The following CNGA3 variants were observed in gnomAD, a reference collection of about 807,000 sequenced individuals.
CNGA3 encodes the protein cyclic nucleotide gated channel subunit alpha 3, also known as cyclic nucleotide-gated channel alpha-3.
In CNGA3, 42 loss-of-function variants were observed where a neutral mutation model predicts 46.6. That is an observed-to-expected ratio of 0.90 (90% CI 0.70 to 1.17). The LOEUF (loss-of-function observed/expected upper bound fraction) is 1.17. CNGA3 is among the 50% of genes most tolerant of loss of function. The pLI is 0.00. For synonymous variants in CNGA3, 394 were observed against 369.4 expected, an observed-to-expected ratio of 1.07 and a Z score of -0.76; for missense variants, 893 against 890.7, an observed-to-expected ratio of 1.00 and a Z score of -0.03.
intron 2 of CNGA3, among the ~76,000 whole-genome samples, chr2:98,372,660 A>G (rs1178992086): frequency 5.9e-5 from 9 of 152,058 alleles, no homozygotes. Context: ...AATCAGTACT[A>G]ATATTGCCCT....
At chr2:98,371,074 C>T (rs1465247357) in intron 2 of CNGA3, among the ~76,000 whole-genome samples, 3 of 152,208 alleles carry the variant, frequency 2.0e-5, no homozygotes, top group African/African-American at 7.2e-5. Flanking sequence ...ATCCACCTGC[C>T]TCAGCCTCCC....
chr2:98,378,076 A>T (rs1255095571), intron 3 of CNGA3: 1 of 1,550,888 alleles, frequency 6.4e-7, no homozygotes, highest in South Asian at 1.2e-5. Context: ...GAATTCAGAA[A>T]AAAAGCCAAC....
rs1029284568 is a variant in CNGA3, at chr2:98,394,003, C to G, written c.674-1841C>G. On this transcript the variant is annotated intron_variant, in intron 7 of 7. Transcript: ENST00000272602. ...GTTTGAGCAGAGTGAGACGTCCTACCCCAGTCTAGCCTCGGTGGCCTGGAC... is the reference window on the plus strand; with the variant it reads ...GTTTGAGCAGAGTGAGACGTCCTACGCCAGTCTAGCCTCGGTGGCCTGGAC... 2.6e-5 allele frequency among the ~76,000 whole-genome samples: 4 copies of G among 151,034 alleles called. No individual in the cohort carries two copies. The Admixed American group carries it at 2.7e-4, about 10-fold the overall frequency.
At chr2:98,381,190 A>C (rs1177695385) in intron 4 of CNGA3, among the ~76,000 whole-genome samples, 1 of 152,130 alleles carries the variant, frequency 6.6e-6, no homozygotes, top group Non-Finnish European at 1.5e-5. Context: ...TCTTTAGGAC[A>C]CTTAGGTCTG....
chr2:98,395,814 A>T (rs1482840368), intron 7 of CNGA3, 30 bp from the exon 8 acceptor site: 3 of 1,607,596 alleles, frequency 1.9e-6, no homozygotes, highest in Non-Finnish European at 2.6e-6. Context: ...AGCCTCTGTG[A>T]TGCCCAATGA....
At position 98,396,970 on chromosome 2, in the gene CNGA3, G is replaced by A. The variant is rs750189114; in HGVS notation, c.1800G>A (p.Glu600=). The change falls in exon 8 of 8, where the codon GAG becomes GAA. Residue 600 remains glutamate, a synonymous_variant. Transcript: ENST00000272602. The part of the protein sequence containing the change: ...EYPEAKKALE[E]KGRQILMKDN... ...CCGAAGCCAAGAAGGCCCTGGAGGAGAAAGGACGGCAGATCCTGATGAAAG... is the reference window on the plus strand; with the variant it reads ...CCGAAGCCAAGAAGGCCCTGGAGGAAAAAGGACGGCAGATCCTGATGAAAG... 15 of 1,614,034 alleles carry A rather than the reference G, an allele frequency of 9.3e-6. No homozygotes were observed. The highest frequency in any genetic ancestry group is 2.2e-5 in the South Asian group (2 of 91,090).
chr2:98,377,396 C>T, intron 2 of CNGA3: 3 of 381,016 alleles, frequency 7.9e-6, no homozygotes, highest in East Asian at 5.3e-5. Flanking sequence ...GGGACCTCTC[C>T]CCACCCAGTG....
At chr2:98,373,988 C>T (rs996747561) in intron 2 of CNGA3, among the ~76,000 whole-genome samples, 1 of 152,206 alleles carries the variant, frequency 6.6e-6, no homozygotes, top group African/African-American at 2.4e-5. Flanking sequence ...AGTCCCCCAC[C>T]ACATGTGGCC....
At chr2:98,362,251 C>G (rs1574363604) in intron 1 of CNGA3, among the ~76,000 whole-genome samples, 1 of 141,530 alleles carries the variant, frequency 7.1e-6, no homozygotes, top group African/African-American at 2.6e-5. Flanking sequence ...ACTATCTCGG[C>G]TCACTGCAAC....
Position 98,370,086 on chromosome 2 carries a change from G to T in CNGA3, c.101+10G>T. ...AAAATGGCCTCAGCAGGTAAGATGG[G>T]CTAAGATGGGCTTTTCATTTTATGC... is the stretch of plus-strand genomic sequence containing the variant. On this transcript the variant is annotated intron_variant, in intron 2 of 7. Transcript: ENST00000272602. 6.3e-7 allele frequency: 1 copy of T among 1,586,586 alleles called. No homozygotes were observed. The highest frequency in any genetic ancestry group is 2.2e-5 in the East Asian group (1 of 44,748).
rs1236886950 is a variant in CNGA3 at position 98,384,591 on chromosome 2, GA to G, written c.449+1155del. Among the ~76,000 whole-genome samples, 5 of 152,246 alleles carry G rather than the reference GA, an allele frequency of 3.3e-5. No individual in the cohort carries two copies. In the East Asian group the frequency reaches 9.6e-4, roughly 29 times the overall value. On this transcript the variant is annotated intron_variant, in intron 5 of 7. Transcript: ENST00000272602. The stretch of plus-strand genomic sequence containing the variant: ...CAGAGACCCAAATGCCAGCCATAAC[GA>G]AAAATGAGATGATTTTATCTACAAA...
At chr2:98,374,193 G>T (rs1692353504) in intron 2 of CNGA3, among the ~76,000 whole-genome samples, 1 of 152,184 alleles carries the variant, frequency 6.6e-6, no homozygotes, top group Non-Finnish European at 1.5e-5. Context: ...GGGAGCCCCT[G>T]TCCTCGCCCA....
At chr2:98,395,470 C>T (rs1574390014) in intron 7 of CNGA3, among the ~76,000 whole-genome samples, 2 of 152,268 alleles carry the variant, frequency 1.3e-5, no homozygotes, top group East Asian at 3.9e-4. Context: ...GCACCCGGCC[C>T]TCTGTCACTT....
rs758869058 is a variant in CNGA3 at position 98,380,272 on chromosome 2, G to A, written c.313G>A (p.Ala105Thr). 1.9e-6 allele frequency: 3 copies of A among 1,614,110 alleles called. No homozygotes were observed. The highest frequency in any genetic ancestry group is 1.3e-5 in the African/African-American group (1 of 74,940). The part of the protein sequence containing the change: ...PDSFPDRFRG[A>T]ELKEVSSQES... ...CTCTTTTCCTGATCGTTTCCGTGGA[G>A]CCGAGCTTAAGGAGGTGTCCAGCCA... The change falls in exon 4 of 8, where the codon GCC becomes ACC. Residue 105 changes from alanine (A) to threonine (T), a missense_variant. Transcript: ENST00000272602.
chr2:98,371,416 A>G (rs192181648), intron 2 of CNGA3, among the ~76,000 whole-genome samples: 52 of 152,274 alleles, frequency 3.4e-4, no homozygotes, highest in African/African-American at 1.2e-3. Context: ...GCTCCTCAGC[A>G]AACTCTGCTA....
intron 2 of CNGA3, among the ~76,000 whole-genome samples, chr2:98,371,365 A>G (rs997419464): frequency 2.6e-5 from 4 of 152,046 alleles, no homozygotes; most frequent in African/African-American, 9.7e-5. Flanking sequence ...CCTCTCCCAA[A>G]GGCACATTTG....
At position 98,363,776 on chromosome 2, in the gene CNGA3, C is replaced by T. The variant is rs55869498; in HGVS notation, c.-37-6163C>T. On this transcript the variant is annotated intron_variant, in intron 1 of 7. Transcript: ENST00000272602. ...ATACCTATGTACATTCTGTTGTTTT[C>T]GGGTAGAGAGTTCTGTAGATATCTA... is the stretch of plus-strand genomic sequence containing the variant. Among the ~76,000 whole-genome samples the T allele has an allele frequency of 6.6e-5, 10 of 152,074 alleles. No individual in the cohort carries two copies. The South Asian group carries it at 1.7e-3, about 25-fold the overall frequency.
At chr2:98,379,353 G>A (rs1208115205) in intron 3 of CNGA3, among the ~76,000 whole-genome samples, 1 of 152,270 alleles carries the variant, frequency 6.6e-6, no homozygotes, top group Admixed American at 6.5e-5. Flanking sequence ...GGGCACTGCA[G>A]ATGCCAAATC....
At chr2:98,380,421 G>C in intron 4 of CNGA3, 67 bp downstream of exon 4, 1 of 1,557,424 alleles carries the variant, frequency 6.4e-7, no homozygotes, top group Non-Finnish European at 8.7e-7. Context: ...CCTGTGCTTT[G>C]CTCCATCCTG....
Sources: gnomAD v4.1 joint callset for allele counts (sites outside exome capture counted in the v4.1 genomes callset) on GRCh38, gnomAD v4.1.1 for gene constraint, MANE v1.5 for transcripts, NCBI Gene and HGNC (gene_info 2026-07-23, HGNC 2026-07-21) for gene names.